CLASP1: variants seen among roughly 807,000 people sequenced by gnomAD.
CLASP1 encodes cytoplasmic linker associated protein 1, also known as CLIP-associating protein 1.
A neutral mutation model predicts 192.3 loss-of-function variants in CLASP1; 38 were observed. The ratio of observed to expected loss-of-function variants is 0.20; its 90% CI spans 0.15 to 0.26. The LOEUF is 0.26. Ranked by LOEUF, CLASP1 falls within the 10% of genes least tolerant of loss-of-function variation. The probability of loss-of-function intolerance (pLI) is 1.00; values close to 1 mark genes in which losing one functional copy is unlikely to be tolerated. For synonymous variants in CLASP1, 691 were observed against 712.8 expected (o/e 0.97, Z 0.49); for missense variants, 1,433 against 1,932.5 (o/e 0.74, Z 4.85).
chr2:121,450,261 G>C (rs1444962212), intron 16 of CLASP1, among the ~76,000 whole-genome samples: 1 of 151,908 alleles, frequency 6.6e-6, no homozygotes, highest in Non-Finnish European at 1.5e-5. Context: ...AACCTGGGAG[G>C]TGGAGCTTGC....
intron 2 of CLASP1, among the ~76,000 whole-genome samples, chr2:121,553,608 G>C (rs2058246788): frequency 1.3e-5 from 2 of 152,088 alleles, no homozygotes; most frequent in Admixed American, 1.3e-4. Flanking sequence ...GGCTGAGGCA[G>C]GGAAATCGCT....
chr2:121,608,584 C>G (rs2064768531), intron 1 of CLASP1, among the ~76,000 whole-genome samples: 1 of 152,176 alleles, frequency 6.6e-6, no homozygotes, highest in Admixed American at 6.5e-5. Context: ...GTGAGGCCAT[C>G]TGGGACCATC....
chr2:121,505,374 T>C (rs1356048668), intron 7 of CLASP1: 8 of 152,216 alleles, frequency 5.3e-5, no homozygotes. Flanking sequence ...TAAACATAAC[T>C]ATTACTAGTA....
At chr2:121,403,075 G>C (rs2076377983) in intron 26 of CLASP1, among the ~76,000 whole-genome samples, 1 of 152,170 alleles carries the variant, frequency 6.6e-6, no homozygotes, top group Non-Finnish European at 1.5e-5. Context: ...CAGGTGATCT[G>C]CCCACCTCAG....
At chr2:121,392,413 G>A (rs532489238) in intron 30 of CLASP1, among the ~76,000 whole-genome samples, 2 of 152,110 alleles carry the variant, frequency 1.3e-5, no homozygotes, top group Non-Finnish European at 2.9e-5. Flanking sequence ...CAAATAAAAT[G>A]TCTAAGTTTT....
At chr2:121,573,119 C>T (rs1260863280) in intron 2 of CLASP1, among the ~76,000 whole-genome samples, 1 of 152,148 alleles carries the variant, frequency 6.6e-6, no homozygotes, top group East Asian at 1.9e-4. Flanking sequence ...GCCACCACGC[C>T]CAGCTAGTTT....
chr2:121,499,512 CA>C lies in CLASP1; in HGVS notation c.712+3654del, dbSNP rs58681666. ...AATAGTTGCACACTTTGTGAATATT[CA>C]AAAAAAAAAAAACACTAAAGCATTC... is the stretch of plus-strand genomic sequence containing the variant. On this transcript the variant is annotated intron_variant, in intron 8 of 39. Coordinates refer to ENST00000263710, the Ensembl canonical transcript of CLASP1. 4.9e-3 allele frequency among the ~76,000 whole-genome samples: 650 copies of C among 132,124 alleles called. 2 individuals carry two copies. Among genetic ancestry groups the C allele is most frequent in the Middle Eastern group, 0.012 (3 of 252 alleles). The allele number at this position is 132,124 out of a possible 152,430, so 86.7% of individuals were successfully genotyped here. A position where few individuals can be genotyped will look rare whatever the true frequency, so the allele number is the denominator to read the frequency against.
intron 2 of CLASP1, among the ~76,000 whole-genome samples, chr2:121,538,231 T>A (rs1487241267): frequency 7.0e-6 from 1 of 142,740 alleles, no homozygotes; most frequent in African/African-American, 2.8e-5. Context: ...CTGACCAACA[T>A]GGAGAAACCC....
At chr2:121,382,763 C>T (rs565949003) in intron 32 of CLASP1, among the ~76,000 whole-genome samples, 101 of 152,290 alleles carry the variant, frequency 6.6e-4, no homozygotes, top group African/African-American at 2.2e-3. Context: ...TAATTCAAAT[C>T]GGACCAGAGG....
intron 2 of CLASP1, chr2:121,530,824 C>A: frequency 1.5e-6 from 1 of 648,436 alleles, no homozygotes; most frequent in South Asian, 1.6e-5. Context: ...AATTAATTAC[C>A]ACAACCCTAC....
At chr2:121,365,308 G>A (rs376163765) in intron 35 of CLASP1, 24 bp from the exon 37 acceptor site, 127 of 1,597,280 alleles carry the variant, frequency 8.0e-5, no homozygotes, top group African/African-American at 2.1e-4. Context: ...CCAGACATAC[G>A]TCACCTCGTG....
intron 39 of CLASP1, among the ~76,000 whole-genome samples, chr2:121,346,136 C>T (rs377626882): frequency 2.6e-5 from 4 of 152,216 alleles, no homozygotes; most frequent in South Asian, 2.1e-4. Flanking sequence ...TAAGAGCAGG[C>T]GCTTCTGGTT....
chr2:121,382,177 C>T, intron 33 of CLASP1, 31 bp downstream of exon 34: 2 of 1,530,000 alleles, frequency 1.3e-6, no homozygotes, highest in African/African-American at 1.4e-5. Flanking sequence ...TATTGTGACA[C>T]CTCAGACAAG....
At chr2:121,459,034 T>A in intron 12 of CLASP1, 59 bp from the exon 13 acceptor site, 1 of 1,314,068 alleles carries the variant, frequency 7.6e-7, no homozygotes, top group Middle Eastern at 2.0e-4. Context: ...GTGAAGCATA[T>A]AAACCACTTA....
At chr2:121,536,195 C>T (rs1001654204) in intron 2 of CLASP1, among the ~76,000 whole-genome samples, 3 of 150,548 alleles carry the variant, frequency 2.0e-5, no homozygotes, top group Admixed American at 6.6e-5. Flanking sequence ...TCCTGGCTAA[C>T]ACAGTGAAAC....
intron 4 of CLASP1, 39 bp downstream of exon 4, chr2:121,528,638 A>T: frequency 6.5e-7 from 1 of 1,540,476 alleles, no homozygotes. Context: ...ATGCACGCGC[A>T]CTGGCCAGCT....
intron 37 of CLASP1, among the ~76,000 whole-genome samples, chr2:121,350,302 T>C (rs1380932651): frequency 6.6e-6 from 1 of 152,194 alleles, no homozygotes; most frequent in Non-Finnish European, 1.5e-5. Flanking sequence ...GGAAACAGCA[T>C]ATGGATCATC....
exon 22 of CLASP1, chr2:121,425,228 G>A (rs745572464): frequency 6.2e-7 from 1 of 1,613,520 alleles, no homozygotes; most frequent in Non-Finnish European, 8.5e-7. Flanking sequence ...TGTCACAGGT[G>A]GGCCTCGTGA....
At chr2:121,543,594 C>T (rs1356083384) in intron 2 of CLASP1, among the ~76,000 whole-genome samples, 1 of 152,152 alleles carries the variant, frequency 6.6e-6, no homozygotes, top group African/African-American at 2.4e-5. Flanking sequence ...ACAGCTCTTC[C>T]TCCTGCCCAA....
Sources: allele counts gnomAD v4.1 joint callset (sites outside exome capture counted in the v4.1 genomes callset), GRCh38; gene constraint gnomAD v4.1.1; transcripts MANE v1.5; gene names NCBI Gene and HGNC (gene_info 2026-07-23, HGNC 2026-07-21).